Variants in ATP1B3 observed in about 807,000 individuals in gnomAD.
ATP1B3 encodes ATPase Na+/K+ transporting subunit beta 3.
Under a neutral mutation model 30.2 loss-of-function variants are expected in ATP1B3, and 10 were observed. That is an observed-to-expected ratio of 0.33 (90% CI 0.20 to 0.56). The LOEUF (loss-of-function observed/expected upper bound fraction) is 0.56, where lower values mean the gene tolerates loss of function less well. ATP1B3 is among the 20% of genes least tolerant of loss of function. The pLI is 0.90. For missense variants in ATP1B3, 238 were observed against 336.7 expected, an observed-to-expected ratio of 0.71 and a Z score of 2.29; for synonymous variants, 113 against 117.0, an observed-to-expected ratio of 0.97 and a Z score of 0.22.
chr3:141,890,086 C>CTTTTTT (rs1245235657), intron 1 of ATP1B3, among the ~76,000 whole-genome samples: 2 of 107,546 alleles, frequency 1.9e-5, no homozygotes, highest in Non-Finnish European at 3.6e-5. Context: ...AATTTTTTTT[C>CTTTTTT]TTTTTTTTTT....
intron 3 of ATP1B3, among the ~76,000 whole-genome samples, chr3:141,910,566 A>G (rs1000129013): frequency 1.3e-5 from 2 of 152,008 alleles, no homozygotes; most frequent in Admixed American, 6.5e-5. Context: ...TTTATCATCT[A>G]TAGATACTCT....
intron 5 of ATP1B3, 60 bp downstream of exon 5, chr3:141,916,080 G>A: frequency 2.1e-6 from 3 of 1,444,634 alleles, no homozygotes; most frequent in Non-Finnish European, 2.9e-6. Flanking sequence ...TACTTTAAAA[G>A]TCTAATGATT....
chr3:141,900,183 C>T (rs1182241570), intron 1 of ATP1B3, among the ~76,000 whole-genome samples: 2 of 151,940 alleles, frequency 1.3e-5, no homozygotes, highest in African/African-American at 4.8e-5. Context: ...GGAGCATGGT[C>T]CCCCAGAAAG....
At chr3:141,882,428 C>T (rs1203525755) in intron 1 of ATP1B3, among the ~76,000 whole-genome samples, 2 of 152,162 alleles carry the variant, frequency 1.3e-5, no homozygotes, top group Non-Finnish European at 2.9e-5. Flanking sequence ...CTTTATTCCT[C>T]TGCCTTTTTC....
At position 141,883,120 on chromosome 3, in the gene ATP1B3, C is replaced by T. The variant is rs545264358; in HGVS notation, c.109+6210C>T. On this transcript the variant is annotated intron_variant, in intron 1 of 6. Transcript: ENST00000286371. ...TCCTAGCTTCTGGGCCTCTCATCCCCTTATTCCATGTTGGTCTGGCTGATC... is the reference window on the plus strand; with the variant it reads ...TCCTAGCTTCTGGGCCTCTCATCCCTTTATTCCATGTTGGTCTGGCTGATC... 5.9e-5 allele frequency among the ~76,000 whole-genome samples: 9 copies of T among 152,292 alleles called. No individual in the cohort carries two copies. The South Asian group carries it at 6.2e-4, about 11-fold the overall frequency.
rs1933594053 is a variant in ATP1B3, at chr3:141,876,669, A to G, written c.-133A>G. The G allele has an allele frequency of 1.8e-6, 1 of 571,248 alleles. No individual in the cohort carries two copies. The highest frequency in any genetic ancestry group is 3.0e-6 in the Non-Finnish European group (1 of 334,772). The allele number at this position is 571,248 out of a possible 1,614,324, so 35.4% of individuals were successfully genotyped here. Reference sequence around the variant, plus strand: ...GTCGGCTCGAGTACTCCCCGTAACGAGGAGGTGTTCTCGGCCGTCCCACCC... The same window carrying G: ...GTCGGCTCGAGTACTCCCCGTAACGGGGAGGTGTTCTCGGCCGTCCCACCC... On this transcript the variant is annotated 5_prime_UTR_variant, in exon 1 of 7. Transcript: ENST00000286371.
At chr3:141,901,144 G>A (rs1020182814) in intron 1 of ATP1B3, among the ~76,000 whole-genome samples, 1 of 152,150 alleles carries the variant, frequency 6.6e-6, no homozygotes, top group African/African-American at 2.4e-5. Context: ...ACTAGCTAGG[G>A]AACGTTAGTA....
intron 1 of ATP1B3, chr3:141,902,354 T>C: frequency 1.6e-6 from 1 of 618,112 alleles, no homozygotes; most frequent in African/African-American, 1.9e-5. Flanking sequence ...ATAAAAGTTA[T>C]CTAGCTTTCA....
intron 3 of ATP1B3, among the ~76,000 whole-genome samples, chr3:141,909,476 T>C (rs1466065196): frequency 6.6e-6 from 1 of 152,214 alleles, no homozygotes; most frequent in African/African-American, 2.4e-5. Flanking sequence ...TTGTGGTTTT[T>C]ACATGCAGAG....
chr3:141,922,069 T>C lies in ATP1B3; in HGVS notation c.669+6T>C. The stretch of plus-strand genomic sequence containing the variant: ...ATTATGGGAAAAAACTGCATGTAAG[T>C]ATTGAGAAGTTCTTATGTGGTGATT... On this transcript the variant is annotated splice_donor_region_variant and intron_variant, in intron 6 of 6. Transcript: ENST00000286371. 1.4e-6 allele frequency: 2 copies of C among 1,471,754 alleles called. No homozygotes were observed. Among genetic ancestry groups the C allele is most frequent in the Non-Finnish European group, 1.9e-6 (2 of 1,071,884 alleles). 91.2% of individuals were successfully genotyped at this position (1,471,754 alleles called of 1,614,324 possible).
At chr3:141,901,550 C>G (rs968929565) in intron 1 of ATP1B3, among the ~76,000 whole-genome samples, 2 of 152,050 alleles carry the variant, frequency 1.3e-5, no homozygotes, top group Non-Finnish European at 2.9e-5. Context: ...CTAATGGCCA[C>G]TAGTATATGG....
chr3:141,877,089 G>C (rs1240797684), intron 1 of ATP1B3, among the ~76,000 whole-genome samples, 179 bp downstream of exon 1: 2 of 150,910 alleles, frequency 1.3e-5, no homozygotes, highest in African/African-American at 2.4e-5. Flanking sequence ...GGGCCGGCCG[G>C]ACTGGCCGCA....
At chr3:141,887,408 A>G (rs1307430313) in intron 1 of ATP1B3, among the ~76,000 whole-genome samples, 3 of 152,164 alleles carry the variant, frequency 2.0e-5, no homozygotes, top group Admixed American at 6.5e-5. Flanking sequence ...AGTAAGTCCA[A>G]CATCATCCTC....
chr3:141,894,762 G>A (rs1308722790), intron 1 of ATP1B3, among the ~76,000 whole-genome samples: 1 of 152,172 alleles, frequency 6.6e-6, no homozygotes, highest in Non-Finnish European at 1.5e-5. Flanking sequence ...GATACCTCCT[G>A]AAGGATTGCC....
intron 2 of ATP1B3, among the ~76,000 whole-genome samples, chr3:141,905,134 C>A (rs189632836): frequency 6.6e-6 from 1 of 152,206 alleles, no homozygotes; most frequent in East Asian, 1.9e-4. Flanking sequence ...ATTCCAAAGA[C>A]TGTAAACTAA....
intron 6 of ATP1B3, among the ~76,000 whole-genome samples, chr3:141,924,057 G>T (rs902455748): frequency 6.6e-6 from 1 of 152,122 alleles, no homozygotes; most frequent in Non-Finnish European, 1.5e-5. Flanking sequence ...TAAAAAGCTC[G>T]TTACTGCCTG....
chr3:141,908,550 C>T (rs970034839), intron 3 of ATP1B3, among the ~76,000 whole-genome samples: 6 of 152,194 alleles, frequency 3.9e-5, no homozygotes, highest in African/African-American at 1.4e-4. Flanking sequence ...GGGAGTACCC[C>T]ACTCCTGGAT....
At chr3:141,919,736 C>G (rs900767116) in intron 5 of ATP1B3, among the ~76,000 whole-genome samples, 2 of 151,998 alleles carry the variant, frequency 1.3e-5, no homozygotes, top group East Asian at 3.9e-4. Context: ...GTCAGGAATT[C>G]GAGACCAGCC....
intron 1 of ATP1B3, among the ~76,000 whole-genome samples, chr3:141,882,383 C>T (rs1375669215): frequency 6.6e-6 from 1 of 152,180 alleles, no homozygotes; most frequent in Admixed American, 6.5e-5. Flanking sequence ...TACCTAAATA[C>T]CTGATCTTAT....
Sources: allele counts gnomAD v4.1 joint callset (sites outside exome capture counted in the v4.1 genomes callset), GRCh38; gene constraint gnomAD v4.1.1; transcripts MANE v1.5; gene names NCBI Gene and HGNC (gene_info 2026-07-23, HGNC 2026-07-21).